The following SMAD4 variants were observed in gnomAD, a reference collection of about 807,000 sequenced individuals.
SMAD4 encodes the protein SMAD family member 4.
In SMAD4, 7 loss-of-function variants were observed where a neutral mutation model predicts 63.2. That is an observed-to-expected ratio of 0.11 (90% CI 0.06 to 0.21). The LOEUF (loss-of-function observed/expected upper bound fraction) is 0.21, where lower values mean the gene tolerates loss of function less well. Among genes scored for constraint, SMAD4 ranks in the 10% least tolerant of loss-of-function variants. The pLI is 1.00. For synonymous variants in SMAD4, 215 were observed against 235.4 expected, an observed-to-expected ratio of 0.91 and a Z score of 0.79; for missense variants, 312 against 693.8, an observed-to-expected ratio of 0.45 and a Z score of 6.18.
At chr18:51,070,122 A>C (rs1357861576) in intron 10 of SMAD4, among the ~76,000 whole-genome samples, 1 of 152,222 alleles carries the variant, frequency 6.6e-6, no homozygotes, top group African/African-American at 2.4e-5. Context: ...TTATTTATGT[A>C]ATTTAAAGTG....
chr18:51,036,599 A>C (rs1236205692), intron 1 of SMAD4, among the ~76,000 whole-genome samples: 1 of 152,242 alleles, frequency 6.6e-6, no homozygotes, highest in African/African-American at 2.4e-5. Flanking sequence ...GGCTAATTGT[A>C]AGGAAAAATG....
intron 7 of SMAD4, 69 bp downstream of exon 7, chr18:51,058,525 T>A: frequency 9.7e-7 from 1 of 1,034,096 alleles, no homozygotes; most frequent in South Asian, 1.4e-5. Flanking sequence ...TTTCTGTTTT[T>A]TAAAAATGTT....
rs1277727742 is a variant in SMAD4 at position 51,078,697 on chromosome 18, A to C, written c.*230A>C. ...GCTCAGAGCTTGAAGATTAGGAGAAACACATTCTTATTAATTCTTCACCTG... is the reference window on the plus strand; with the variant it reads ...GCTCAGAGCTTGAAGATTAGGAGAACCACATTCTTATTAATTCTTCACCTG... On this transcript the variant is annotated 3_prime_UTR_variant, in exon 12 of 12. Coordinates refer to ENST00000342988, the MANE Select transcript of SMAD4 (RefSeq NM_005359.6). 1.9e-6 allele frequency: 1 copy of C among 524,218 alleles called. No homozygotes were observed. Among genetic ancestry groups the C allele is most frequent in the Non-Finnish European group, 3.4e-6 (1 of 294,674 alleles). 32.5% of individuals were successfully genotyped at this position (524,218 alleles called of 1,614,324 possible).
chr18:51,064,676 T>A (rs1910102627), intron 8 of SMAD4, among the ~76,000 whole-genome samples: 1 of 152,240 alleles, frequency 6.6e-6, no homozygotes, highest in Non-Finnish European at 1.5e-5. Context: ...TGATTTAAAA[T>A]TATATATTAT....
chr18:51,077,378 C>T, intron 11 of SMAD4: 3 of 985,014 alleles, frequency 3.0e-6, no homozygotes, highest in Non-Finnish European at 3.6e-6. Context: ...GAAGGCATAA[C>T]TAGTGATTCA....
At chr18:51,056,988 TA>T (rs1236935141) in intron 5 of SMAD4, among the ~76,000 whole-genome samples, 4 of 152,266 alleles carry the variant, frequency 2.6e-5, no homozygotes, top group African/African-American at 9.6e-5. Context: ...CCTTTAAAGA[TA>T]ACTTGCAGAA....
chr18:51,079,481 A>G lies in SMAD4; in HGVS notation c.*1014A>G, dbSNP rs574464949. On this transcript the variant is annotated 3_prime_UTR_variant, in exon 12 of 12. Transcript: ENST00000342988. ...TAATGGAAACATTACAGTTCATAAT[A>G]GGTAGTTTGGATATTTTTGTACTTG... 1.5e-4 allele frequency: 36 copies of G among 233,436 alleles called. No homozygotes were observed. The South Asian group carries it at 6.0e-3, about 39-fold the overall frequency. The allele number at this position is 233,436 out of a possible 1,614,324, so 14.5% of individuals were successfully genotyped here.
Position 51,078,681 on chromosome 18 carries a change from T to C in SMAD4, c.*214T>C, listed in dbSNP as rs1456950092. 13 of 547,310 alleles carry C rather than the reference T, an allele frequency of 2.4e-5. No homozygotes were observed. The highest frequency in any genetic ancestry group is 3.9e-5 in the Non-Finnish European group (12 of 307,972). 33.9% of individuals were successfully genotyped at this position (547,310 alleles called of 1,614,324 possible). A position where few individuals can be genotyped will look rare whatever the true frequency, so the allele number is the denominator to read the frequency against. ...GAACTTGTCAGGCATGGCTCAGAGC[T>C]TGAAGATTAGGAGAAACACATTCTT... On this transcript the variant is annotated 3_prime_UTR_variant, in exon 12 of 12. Transcript: ENST00000342988.
rs1910652598 is a variant in SMAD4, at chr18:51,083,260, T to C, written c.*4793T>C. On this transcript the variant is annotated 3_prime_UTR_variant, in exon 12 of 12. Transcript: ENST00000342988. ...CAAACCTTGGGAAACTAAGGCCATT[T>C]GTTTTGTTTTGGTGTCCCCTTTGAA... 7 of 226,388 alleles carry C rather than the reference T, an allele frequency of 3.1e-5. No individual in the cohort carries two copies. The South Asian group carries it at 1.3e-3, about 41-fold the overall frequency. The allele number at this position is 226,388 out of a possible 1,614,324, so 14.0% of individuals were successfully genotyped here.
At chr18:51,057,599 A>G (rs1909878860) in intron 5 of SMAD4, among the ~76,000 whole-genome samples, 1 of 152,208 alleles carries the variant, frequency 6.6e-6, no homozygotes, top group Admixed American at 6.5e-5. Context: ...GATCTTTTTA[A>G]CTTCCTCATC....
chr18:51,073,772 C>T (rs968398966), intron 10 of SMAD4, among the ~76,000 whole-genome samples: 2 of 151,980 alleles, frequency 1.3e-5, no homozygotes, highest in African/African-American at 4.8e-5. Context: ...CTCAAGTGAT[C>T]CTCCTGCCTC....
intron 10 of SMAD4, among the ~76,000 whole-genome samples, chr18:51,072,387 A>G (rs115409360): frequency 0.016 from 2,485 of 152,256 alleles, 71 homozygotes; most frequent in African/African-American, 0.056. Flanking sequence ...ATTTTAGAGG[A>G]AGGGGCAGCA....
At chr18:51,057,324 A>G (rs1217838198) in intron 5 of SMAD4, among the ~76,000 whole-genome samples, 1 of 152,122 alleles carries the variant, frequency 6.6e-6, no homozygotes, top group Non-Finnish European at 1.5e-5. Flanking sequence ...TCCACTTTAA[A>G]AAAAAAGCCT....
intron 1 of SMAD4, among the ~76,000 whole-genome samples, chr18:51,042,541 T>G (rs965319132): frequency 6.6e-6 from 1 of 151,744 alleles, no homozygotes; most frequent in Non-Finnish European, 1.5e-5. Context: ...CCCACTAATT[T>G]TTTGTATTTT....
chr18:51,078,692 G>A lies in SMAD4; in HGVS notation c.*225G>A, dbSNP rs1012213764. The A allele has an allele frequency of 1.9e-6, 1 of 532,408 alleles. No individual in the cohort carries two copies. Among genetic ancestry groups the A allele is most frequent in the Non-Finnish European group, 3.3e-6 (1 of 299,616 alleles). 33.0% of individuals were successfully genotyped at this position (532,408 alleles called of 1,614,324 possible). A position where few individuals can be genotyped will look rare whatever the true frequency, so the allele number is the denominator to read the frequency against. Reference sequence around the variant, plus strand: ...GCATGGCTCAGAGCTTGAAGATTAGGAGAAACACATTCTTATTAATTCTTC... The same window carrying A: ...GCATGGCTCAGAGCTTGAAGATTAGAAGAAACACATTCTTATTAATTCTTC... On this transcript the variant is annotated 3_prime_UTR_variant, in exon 12 of 12. Transcript: ENST00000342988.
intron 11 of SMAD4, among the ~76,000 whole-genome samples, chr18:51,077,640 A>AT (rs139264364): frequency 1.3e-5 from 2 of 152,138 alleles, no homozygotes; most frequent in Non-Finnish European, 1.5e-5. Context: ...AGAGAATTTG[A>AT]TTTTTTAAAA....
chr18:51,033,481 C>CCAGT (rs1160470735), intron 1 of SMAD4, among the ~76,000 whole-genome samples: 1 of 152,186 alleles, frequency 6.6e-6, no homozygotes. Flanking sequence ...TGAGCCACTG[C>CCAGT]GCCTGTCCTA....
chr18:51,066,955 C>T (rs1463482667), intron 9 of SMAD4, 64 bp from the exon 10 acceptor site: 29 of 1,288,000 alleles, frequency 2.3e-5, no homozygotes, highest in Non-Finnish European at 3.3e-5. Context: ...GCTATACAAT[C>T]TGAACTAAAA....
chr18:51,039,497 AC>A lies in SMAD4; in HGVS notation c.-127-7416del, dbSNP rs1210992386. ...AGGGCCTTCCCCCCCCCACCCCCCC[AC>A]CCCCCCACCCCCCGTAGTTCCATCG... On this transcript the variant is annotated intron_variant, in intron 1 of 11. Coordinates refer to ENST00000342988, the MANE Select transcript of SMAD4 (RefSeq NM_005359.6). Among the ~76,000 whole-genome samples, 405 of 91,394 alleles carry A rather than the reference AC, an allele frequency of 4.4e-3. 1 individual carries two copies. Among genetic ancestry groups the A allele is most frequent in the African/African-American group, 0.015 (376 of 24,478 alleles). The allele number at this position is 91,394 out of a possible 152,430, so 60.0% of individuals were successfully genotyped here.
Sources: allele counts gnomAD v4.1 joint callset (sites outside exome capture counted in the v4.1 genomes callset), GRCh38; gene constraint gnomAD v4.1.1; transcripts MANE v1.5; gene names NCBI Gene and HGNC (gene_info 2026-07-23, HGNC 2026-07-21).